The following FARP1 variants were observed in gnomAD, a reference collection of about 807,000 sequenced individuals.
FARP1 encodes FERM, ARH/RhoGEF and pleckstrin domain protein 1, also known as FERM, ARHGEF and pleckstrin domain-containing protein 1.
In FARP1, 52 loss-of-function variants were observed where a neutral mutation model predicts 128.8. That is an observed-to-expected ratio of 0.40 (90% confidence interval 0.32 to 0.51). The LOEUF (loss-of-function observed/expected upper bound fraction) is 0.51. Among genes scored for constraint, FARP1 ranks in the 20% least tolerant of loss-of-function variants. The pLI, the probability that FARP1 is intolerant of heterozygous loss-of-function variation, is 0.45. For missense variants in FARP1, 1,333 were observed against 1,367.9 expected (o/e 0.97, Z 0.40); for synonymous variants, 580 against 551.8 (o/e 1.05, Z -0.72).
intron 4 of FARP1, among the ~76,000 whole-genome samples, chr13:98,366,227 A>G (rs1361275469): frequency 6.6e-6 from 1 of 152,204 alleles, no homozygotes; most frequent in African/African-American, 2.4e-5. Context: ...TGTCTGATTA[A>G]GAAACCCCAC....
At position 98,246,250 on chromosome 13, in the gene FARP1, C is replaced by T. The variant is rs903952786; in HGVS notation, c.171+32837C>T. On this transcript the variant is annotated intron_variant, in intron 2 of 26. Coordinates refer to ENST00000319562, the MANE Select transcript of FARP1 (RefSeq NM_005766.4). ...AGCTAGGACTACAGGCGCCCGCCACCTCGCCCGGCTAATTTTTTGTATTTT... is the reference window on the plus strand; with the variant it reads ...AGCTAGGACTACAGGCGCCCGCCACTTCGCCCGGCTAATTTTTTGTATTTT... Among the ~76,000 whole-genome samples the T allele has an allele frequency of 3.3e-5, 5 of 150,632 alleles. No homozygotes were observed. The South Asian group carries it at 8.6e-4, about 26-fold the overall frequency.
chr13:98,423,385 A>G (rs1891663082), intron 16 of FARP1, among the ~76,000 whole-genome samples: 1 of 152,084 alleles, frequency 6.6e-6, no homozygotes, highest in Non-Finnish European at 1.5e-5. Context: ...AAGATCTCTC[A>G]CTTCCTATTA....
In FARP1 at chr13:98,295,102, CACAT is replaced by C. The variant is rs1360648422; in HGVS notation, c.172-48658_172-48655del. ...ACACACACACACACACACACACACACACATATATCCCCAGGCATTATTTATTTAT... is the reference window on the plus strand; with the variant it reads ...ACACACACACACACACACACACACACATATCCCCAGGCATTATTTATTTAT... On this transcript the variant is annotated intron_variant, in intron 2 of 26. Coordinates refer to ENST00000319562, the MANE Select transcript of FARP1 (RefSeq NM_005766.4). 4.3e-3 allele frequency among the ~76,000 whole-genome samples: 108 copies of C among 25,020 alleles called. 2 individuals carry two copies. The highest frequency in any genetic ancestry group is 5.3e-3 in the African/African-American group (40 of 7,588). 16.4% of individuals were successfully genotyped at this position (25,020 alleles called of 152,430 possible).
At chr13:98,413,727 G>A (rs1203655802) in intron 16 of FARP1, among the ~76,000 whole-genome samples, 2 of 152,162 alleles carry the variant, frequency 1.3e-5, no homozygotes, top group African/African-American at 2.4e-5. Flanking sequence ...AACCTTTCAC[G>A]TGTGTTCTGC....
At chr13:98,350,683 T>G (rs749679544) in intron 3 of FARP1, among the ~76,000 whole-genome samples, 12 of 152,106 alleles carry the variant, frequency 7.9e-5, no homozygotes, top group Non-Finnish European at 1.6e-4. Context: ...CAACCCCTGA[T>G]CTTTTCCCTC....
At chr13:98,196,434 G>A (rs1879572921) in intron 1 of FARP1, among the ~76,000 whole-genome samples, 1 of 152,190 alleles carries the variant, frequency 6.6e-6, no homozygotes, top group African/African-American at 2.4e-5. Flanking sequence ...TCAGTCTAAT[G>A]GCGGTTGTGA....
chr13:98,358,766 G>T (rs1031990120), intron 3 of FARP1, among the ~76,000 whole-genome samples: 4 of 152,026 alleles, frequency 2.6e-5, no homozygotes, highest in African/African-American at 9.7e-5. Flanking sequence ...CTCTCGAGTA[G>T]TTGGGACTAC....
At chr13:98,300,684 T>C (rs2139697749) in intron 2 of FARP1, among the ~76,000 whole-genome samples, 1 of 152,310 alleles carries the variant, frequency 6.6e-6, no homozygotes, top group South Asian at 2.1e-4. Context: ...CCCTCTGTAC[T>C]TTTTTTCTAA....
At chr13:98,417,320 G>A (rs1891412788) in intron 16 of FARP1, among the ~76,000 whole-genome samples, 1 of 152,010 alleles carries the variant, frequency 6.6e-6, no homozygotes, top group Admixed American at 6.6e-5. Context: ...GATCTTCAAG[G>A]AAGAGAACAT....
chr13:98,429,347 C>T (rs760460156), intron 17 of FARP1, among the ~76,000 whole-genome samples: 14 of 152,120 alleles, frequency 9.2e-5, no homozygotes, highest in Non-Finnish European at 1.5e-4. Flanking sequence ...CAGGGTGAGT[C>T]GCAAGCGTCA....
At chr13:98,153,517 ATT>A (rs1410947751) in intron 1 of FARP1, among the ~76,000 whole-genome samples, 1 of 86,296 alleles carries the variant, frequency 1.2e-5, no homozygotes, top group Non-Finnish European at 2.5e-5. Context: ...ATAAATATAT[ATT>A]TATATATATA....
Position 98,249,468 on chromosome 13 carries a change from A to G in FARP1, c.171+36055A>G, listed in dbSNP as rs185785225. On this transcript the variant is annotated intron_variant, in intron 2 of 26. Coordinates refer to ENST00000319562, the MANE Select transcript of FARP1 (RefSeq NM_005766.4). ...TGTTACAGCCCATTATTGAGGGAAG[A>G]GGTCTGATTTTTGCTTGAGGAATAC... is the stretch of plus-strand genomic sequence containing the variant. Among the ~76,000 whole-genome samples, 19 of 152,302 alleles carry G rather than the reference A, an allele frequency of 1.2e-4. No homozygotes were observed. The East Asian group carries it at 3.7e-3, about 29-fold the overall frequency.
At chr13:98,183,464 C>A (rs1197458240) in intron 1 of FARP1, among the ~76,000 whole-genome samples, 9 of 152,098 alleles carry the variant, frequency 5.9e-5, no homozygotes, top group Non-Finnish European at 1.5e-5. Context: ...TAGTCTGTTA[C>A]CTTCGTTTTT....
chr13:98,277,146 ACACC>A (rs1283618730), intron 2 of FARP1, among the ~76,000 whole-genome samples: 9 of 139,892 alleles, frequency 6.4e-5, no homozygotes, highest in Admixed American at 3.5e-4. Context: ...ACACACACAC[ACACC>A]CCATATGTAT....
intron 2 of FARP1, among the ~76,000 whole-genome samples, chr13:98,334,921 T>C (rs939666247): frequency 1.3e-5 from 2 of 152,202 alleles, no homozygotes; most frequent in Non-Finnish European, 2.9e-5. Context: ...CAATTTCTAT[T>C]GTTTAAGCCA....
Position 98,448,318 on chromosome 13 carries a change from T to C in FARP1, c.*1T>C. On this transcript the variant is annotated 3_prime_UTR_variant, in exon 27 of 27. Coordinates refer to ENST00000319562, the MANE Select transcript of FARP1 (RefSeq NM_005766.4). Reference sequence around the variant, plus strand: ...TCACAAAGAGTCTCTTGTGTATTGATGGCCGGACACACTCGTTTCCGCAGT... The same window carrying C: ...TCACAAAGAGTCTCTTGTGTATTGACGGCCGGACACACTCGTTTCCGCAGT... The C allele has an allele frequency of 6.2e-7, 1 of 1,610,488 alleles. No individual in the cohort carries two copies. Among genetic ancestry groups the C allele is most frequent in the South Asian group, 1.1e-5 (1 of 91,012 alleles).
chr13:98,380,471 A>G (rs1889850088), intron 6 of FARP1, among the ~76,000 whole-genome samples: 1 of 152,124 alleles, frequency 6.6e-6, no homozygotes, highest in Admixed American at 6.5e-5. Context: ...TTCTCACCAC[A>G]AAAATAAATA....
At chr13:98,195,601 T>G (rs1268512832) in intron 1 of FARP1, among the ~76,000 whole-genome samples, 1 of 152,204 alleles carries the variant, frequency 6.6e-6, no homozygotes, top group African/African-American at 2.4e-5. Flanking sequence ...GTGGGTGCCA[T>G]AGTGCCTTTC....
intron 2 of FARP1, among the ~76,000 whole-genome samples, chr13:98,321,654 C>T (rs1237029281): frequency 6.6e-6 from 1 of 152,194 alleles, no homozygotes; most frequent in Non-Finnish European, 1.5e-5. Context: ...CCTGTGCGTG[C>T]TAAACGGGTG....
Sources: allele counts gnomAD v4.1 joint callset (sites outside exome capture counted in the v4.1 genomes callset), GRCh38; gene constraint gnomAD v4.1.1; transcripts MANE v1.5; gene names NCBI Gene and HGNC (gene_info 2026-07-23, HGNC 2026-07-21).